Variants in MAP4K3 observed in about 807,000 individuals in gnomAD.
The protein encoded by MAP4K3 is mitogen-activated protein kinase kinase kinase kinase 3.
MAP4K3 carries 94 observed loss-of-function variants against 143.5 expected under a neutral mutation model. That is an observed-to-expected ratio of 0.65 (90% CI 0.55 to 0.78). The LOEUF (loss-of-function observed/expected upper bound fraction) is 0.78, where lower values mean the gene tolerates loss of function less well. Ranked by LOEUF, MAP4K3 falls within the 30% of genes least tolerant of loss-of-function variation. The pLI is 0.00. For missense variants in MAP4K3, 1,077 were observed against 1,068.1 expected (o/e 1.01, Z -0.12); for synonymous variants, 416 against 347.2 (o/e 1.20, Z -2.20).
chr2:39,365,998 A>G (rs557966894), intron 2 of MAP4K3, among the ~76,000 whole-genome samples: 1 of 152,208 alleles, frequency 6.6e-6, no homozygotes, highest in Non-Finnish European at 1.5e-5. Flanking sequence ...ACTCCATTTC[A>G]TATGGTAGAA....
chr2:39,354,685 A>G (rs1033409481), intron 3 of MAP4K3, among the ~76,000 whole-genome samples: 2 of 151,594 alleles, frequency 1.3e-5, no homozygotes, highest in African/African-American at 4.8e-5. Context: ...AAAAAAAAAC[A>G]AAAAAACTCC....
chr2:39,328,178 A>C (rs1369133718), intron 8 of MAP4K3, among the ~76,000 whole-genome samples: 1 of 152,124 alleles, frequency 6.6e-6, no homozygotes, highest in Non-Finnish European at 1.5e-5. Flanking sequence ...CAAAAATGCA[A>C]AAATTAGCTG....
At chr2:39,344,192 AGCAAATAATATTTGTT>A (rs1166674396) in intron 3 of MAP4K3, among the ~76,000 whole-genome samples, 6 of 152,332 alleles carry the variant, frequency 3.9e-5, no homozygotes, top group Non-Finnish European at 7.3e-5. Context: ...AAGAATATCC[AGCAAATAATATTTGTT>A]CCATAAATGA....
rs145841503 is a variant in MAP4K3, at chr2:39,429,851, T to C, written c.96+7041A>G. On this transcript the variant is annotated intron_variant, in intron 1 of 33. Coordinates refer to ENST00000263881, the MANE Select transcript of MAP4K3 (RefSeq NM_003618.4). Reference sequence around the variant, plus strand: ...CTACAGTAAACAAGACACTGAGGTATTGGTGAAAGTATAGACATACAGCTC... The same window carrying C: ...CTACAGTAAACAAGACACTGAGGTACTGGTGAAAGTATAGACATACAGCTC... Among the ~76,000 whole-genome samples, 61 of 152,276 alleles carry C rather than the reference T, an allele frequency of 4.0e-4. 1 individual carries two copies. The East Asian group carries it at 0.011, about 27-fold the overall frequency.
rs1037338392 is a variant in MAP4K3, at chr2:39,250,357, C to T, written c.*261G>A. ...ATAAATTCTTAGTGTATGTCTTCAG[C>T]AATATGAAGTTTCACAGAAAAAATA... On this transcript the variant is annotated 3_prime_UTR_variant, in exon 34 of 34. Transcript: ENST00000263881. 5.4e-6 allele frequency: 2 copies of T among 367,250 alleles called. No individual in the cohort carries two copies. The highest frequency in any genetic ancestry group is 9.9e-6 in the Non-Finnish European group (2 of 202,570). The allele number at this position is 367,250 out of a possible 1,614,324, so 22.7% of individuals were successfully genotyped here.
chr2:39,425,449 G>A (rs1190707433), intron 1 of MAP4K3, among the ~76,000 whole-genome samples: 1 of 152,190 alleles, frequency 6.6e-6, no homozygotes, highest in South Asian at 2.1e-4. Flanking sequence ...CCTCAATGTG[G>A]CAGCATCTGG....
chr2:39,321,749 G>A (rs1683313294), intron 12 of MAP4K3, among the ~76,000 whole-genome samples: 1 of 152,252 alleles, frequency 6.6e-6, no homozygotes, highest in Non-Finnish European at 1.5e-5. Flanking sequence ...CTTAGGGCTG[G>A]AGGTGGGACA....
intron 2 of MAP4K3, among the ~76,000 whole-genome samples, chr2:39,372,728 T>C (rs1338552648): frequency 6.6e-6 from 1 of 152,052 alleles, no homozygotes; most frequent in Non-Finnish European, 1.5e-5. Context: ...GAAAACTGGA[T>C]ATCCATAAGC....
chr2:39,341,651 GT>G (rs1296265715), intron 4 of MAP4K3, among the ~76,000 whole-genome samples: 1 of 148,222 alleles, frequency 6.7e-6, no homozygotes, highest in East Asian at 2.0e-4. Context: ...GCAAGACTCC[GT>G]TTAAAAAAAA....
intron 12 of MAP4K3, among the ~76,000 whole-genome samples, chr2:39,324,906 A>G (rs950207169): frequency 2.6e-5 from 4 of 152,240 alleles, no homozygotes; most frequent in Non-Finnish European, 5.9e-5. Context: ...CATAGTGAAT[A>G]GCTGAGTTTT....
chr2:39,259,590 G>A (rs559032975), intron 29 of MAP4K3, among the ~76,000 whole-genome samples: 1 of 152,016 alleles, frequency 6.6e-6, no homozygotes, highest in Non-Finnish European at 1.5e-5. Flanking sequence ...AAGTACCCAA[G>A]TTTTGTTTTA....
intron 3 of MAP4K3, among the ~76,000 whole-genome samples, chr2:39,352,949 T>G (rs1665501036): frequency 6.6e-6 from 1 of 152,348 alleles, no homozygotes; most frequent in African/African-American, 2.4e-5. Context: ...GTATATATTT[T>G]ACGGGGTTTC....
intron 26 of MAP4K3, among the ~76,000 whole-genome samples, chr2:39,271,169 A>C: frequency 6.6e-6 from 1 of 152,196 alleles, no homozygotes; most frequent in African/African-American, 2.4e-5. Context: ...ATGGTACAAT[A>C]AGTACCTATA....
At chr2:39,294,162 A>C (rs1384221844) in intron 16 of MAP4K3, 1 of 152,180 alleles carries the variant, frequency 6.6e-6, no homozygotes, top group Non-Finnish European at 1.5e-5. Flanking sequence ...ACTCTCCCTA[A>C]AAGTTATCAG....
chr2:39,284,163 T>C (rs1021769537), intron 21 of MAP4K3, among the ~76,000 whole-genome samples: 1 of 152,122 alleles, frequency 6.6e-6, no homozygotes, highest in Non-Finnish European at 1.5e-5. Context: ...TTTTTTGTTG[T>C]TGTTTTTTTA....
intron 1 of MAP4K3, among the ~76,000 whole-genome samples, chr2:39,414,680 C>T (rs1346837272): frequency 6.6e-6 from 1 of 152,082 alleles, no homozygotes; most frequent in Non-Finnish European, 1.5e-5. Context: ...TCGAGACCAT[C>T]CTGGCTAACA....
chr2:39,252,197 T>C (rs1680177448), intron 32 of MAP4K3, among the ~76,000 whole-genome samples: 1 of 152,266 alleles, frequency 6.6e-6, no homozygotes, highest in Non-Finnish European at 1.5e-5. Flanking sequence ...TCATCATTTA[T>C]GTTAACGCTA....
chr2:39,406,273 G>A (rs903748116), intron 1 of MAP4K3, among the ~76,000 whole-genome samples: 4 of 152,134 alleles, frequency 2.6e-5, no homozygotes, highest in Admixed American at 6.5e-5. Flanking sequence ...AGACTTATTG[G>A]CCTTAAAAAG....
chr2:39,319,658 A>G (rs1683238912), intron 12 of MAP4K3, among the ~76,000 whole-genome samples: 1 of 152,198 alleles, frequency 6.6e-6, no homozygotes, highest in South Asian at 2.1e-4. Context: ...AAGAGTCTAA[A>G]TATTTCTACT....
Sources: allele counts gnomAD v4.1 joint callset (sites outside exome capture counted in the v4.1 genomes callset), GRCh38; gene constraint gnomAD v4.1.1; transcripts MANE v1.5; gene names NCBI Gene and HGNC (gene_info 2026-07-23, HGNC 2026-07-21).